Variants in MAN1C1 observed in about 807,000 individuals in gnomAD.
MAN1C1 encodes mannosyl-oligosaccharide 1,2-alpha-mannosidase IC.
MAN1C1 carries 49 observed loss-of-function variants against 71.5 expected under a neutral mutation model. The observed-to-expected ratio is 0.69, with a 90% confidence interval of 0.54 to 0.87. The LOEUF is 0.87. MAN1C1 is among the 40% of genes least tolerant of loss of function. MAN1C1 has a pLI of 0.00. For synonymous variants in MAN1C1, 352 were observed against 343.7 expected, an observed-to-expected ratio of 1.02 and a Z score of -0.27; for missense variants, 743 against 835.0, an observed-to-expected ratio of 0.89 and a Z score of 1.36.
chr1:25,683,655 G>A (rs1054872659), intron 1 of MAN1C1, among the ~76,000 whole-genome samples: 1 of 152,104 alleles, frequency 6.6e-6, no homozygotes, highest in Non-Finnish European at 1.5e-5. Context: ...GTTGGCAGGG[G>A]GGTGGGGGGT....
intron 1 of MAN1C1, among the ~76,000 whole-genome samples, chr1:25,678,025 T>G (rs1169670148): frequency 6.6e-6 from 1 of 152,064 alleles, no homozygotes; most frequent in Non-Finnish European, 1.5e-5. Context: ...AGATATTCAC[T>G]GTAGAAAATT....
intron 2 of MAN1C1, among the ~76,000 whole-genome samples, chr1:25,734,169 C>T (rs1434230588): frequency 6.6e-6 from 1 of 152,108 alleles, no homozygotes; most frequent in South Asian, 2.1e-4. Context: ...CTCTCTGTCA[C>T]CCAGGCTGGA....
intron 1 of MAN1C1, among the ~76,000 whole-genome samples, chr1:25,648,778 C>A (rs868619839): frequency 6.6e-5 from 10 of 152,192 alleles, no homozygotes; most frequent in Non-Finnish European, 1.3e-4. Context: ...CTTACACATT[C>A]AAAAAATCTC....
rs112503731 is a variant in MAN1C1, at chr1:25,750,434, A to G, written c.834+1099A>G. ...GGACGCCCCCCTGCTCTGACCACCC[A>G]GAGACAAATAATGATGCCTGCCCCC... is the stretch of plus-strand genomic sequence containing the variant. On this transcript the variant is annotated intron_variant, in intron 4 of 11. Coordinates refer to ENST00000374332, the MANE Select transcript of MAN1C1 (RefSeq NM_020379.4). Among the ~76,000 whole-genome samples, 266 of 101,742 alleles carry G rather than the reference A, an allele frequency of 2.6e-3. 1 individual carries two copies. The highest frequency in any genetic ancestry group is 6.0e-3 in the African/African-American group (222 of 37,228). 66.7% of individuals were successfully genotyped at this position (101,742 alleles called of 152,430 possible).
At position 25,643,523 on chromosome 1, in the gene MAN1C1, G is replaced by A. The variant is rs141631163; in HGVS notation, c.540+25186G>A. Among the ~76,000 whole-genome samples, 349 of 132,762 alleles carry A rather than the reference G, an allele frequency of 2.6e-3. 2 individuals carry two copies. The highest frequency in any genetic ancestry group is 9.5e-3 in the African/African-American group (335 of 35,292). 87.1% of individuals were successfully genotyped at this position (132,762 alleles called of 152,430 possible). A position where few individuals can be genotyped will look rare whatever the true frequency, so the allele number is the denominator to read the frequency against. ...TGATCTCAGATAATCCACCTGTCTC[G>A]GCCTCCCCAAGTGTTGGGATTACAG... is the stretch of plus-strand genomic sequence containing the variant. On this transcript the variant is annotated intron_variant, in intron 1 of 11. Coordinates refer to ENST00000374332, the MANE Select transcript of MAN1C1 (RefSeq NM_020379.4).
rs2047399211 is a variant in MAN1C1 at position 25,764,243 on chromosome 1, AT to A, written c.1141+277del. ...AACCCTACCTTCTCTGGCCCCATCA[AT>A]GGCGCAGCCTTCCATCTCTTATGCT... On this transcript the variant is annotated intron_variant, in intron 7 of 11. Coordinates refer to ENST00000374332, the MANE Select transcript of MAN1C1 (RefSeq NM_020379.4). This position sits in a 1 kb window ranked among gnomAD's most constrained non-coding sequence, Gnocchi z 4.4. 1.3e-5 allele frequency among the ~76,000 whole-genome samples: 2 copies of A among 151,972 alleles called. No homozygotes were observed. Among genetic ancestry groups the A allele is most frequent in the African/African-American group, 4.8e-5 (2 of 41,368 alleles).
At chr1:25,652,034 C>T (rs1206053340) in intron 1 of MAN1C1, among the ~76,000 whole-genome samples, 4 of 152,224 alleles carry the variant, frequency 2.6e-5, no homozygotes, top group Non-Finnish European at 4.4e-5. Flanking sequence ...TGCTGCCCAG[C>T]AATGGCCACT....
At chr1:25,740,082 C>A (rs2047039723) in intron 2 of MAN1C1, among the ~76,000 whole-genome samples, 1 of 152,158 alleles carries the variant, frequency 6.6e-6, no homozygotes, top group Non-Finnish European at 1.5e-5. Context: ...GCCAACCCCT[C>A]AGGAGAAGAC....
In MAN1C1 at chr1:25,718,128, A is replaced by T. The variant is rs796183291; in HGVS notation, c.638-28540A>T. 5.3e-5 allele frequency among the ~76,000 whole-genome samples: 8 copies of T among 152,256 alleles called. 1 individual carries two copies. In the South Asian group the frequency reaches 1.7e-3, roughly 32 times the overall value. On this transcript the variant is annotated intron_variant, in intron 2 of 11. Coordinates refer to ENST00000374332, the MANE Select transcript of MAN1C1 (RefSeq NM_020379.4). Reference sequence around the variant, plus strand: ...TACACACTCTTCATGGCTGATTCTCATATAGTATGATTTCCTTCCCTTTCC... The same window carrying T: ...TACACACTCTTCATGGCTGATTCTCTTATAGTATGATTTCCTTCCCTTTCC...
chr1:25,770,432 C>T (rs990856940), intron 7 of MAN1C1, among the ~76,000 whole-genome samples: 4 of 152,218 alleles, frequency 2.6e-5, no homozygotes, highest in African/African-American at 9.6e-5. Flanking sequence ...CTTTTGGTCC[C>T]TTGGTCCTCA....
At chr1:25,760,525 C>G (rs547616979) in intron 6 of MAN1C1, 5 of 152,180 alleles carry the variant, frequency 3.3e-5, no homozygotes, top group African/African-American at 9.7e-5. Context: ...TAGAAGCGCC[C>G]GCACCCTCCA....
At chr1:25,638,248 A>ATC (rs749322438) in intron 1 of MAN1C1, among the ~76,000 whole-genome samples, 77 of 152,232 alleles carry the variant, frequency 5.1e-4, no homozygotes, top group Admixed American at 1.4e-3. Flanking sequence ...CCTTATCACA[A>ATC]TCTACACTGA....
chr1:25,622,215 A>G (rs1293566312), intron 1 of MAN1C1, among the ~76,000 whole-genome samples: 2 of 152,168 alleles, frequency 1.3e-5, no homozygotes, highest in Non-Finnish European at 2.9e-5. Flanking sequence ...TGTATGCTGC[A>G]GTTCTGTTAA....
chr1:25,617,834 TCCCCGTGGGGG>T lies in MAN1C1; in HGVS notation c.39_49del (p.Pro14AlafsTer51). The stretch of plus-strand genomic sequence containing the variant: ...GAAAGTGCCCGGCTTCGTCCCGGCC[TCCCCGTGGGGG>T]CTGCGGCTGCCGCAGAAGTTCCTCT... On this transcript the variant is annotated frameshift_variant, in exon 1 of 12. Coordinates refer to ENST00000374332, the MANE Select transcript of MAN1C1 (RefSeq NM_020379.4). LOFTEE classifies it high-confidence loss of function. This position sits in a 1 kb window ranked among gnomAD's most constrained non-coding sequence, Gnocchi z 5.1. The T allele has an allele frequency of 6.2e-7, 1 of 1,604,790 alleles. No homozygotes were observed. The highest frequency in any genetic ancestry group is 8.5e-7 in the Non-Finnish European group (1 of 1,176,702).
intron 5 of MAN1C1, among the ~76,000 whole-genome samples, chr1:25,754,532 C>T (rs1465815071): frequency 6.6e-6 from 1 of 151,206 alleles, no homozygotes; most frequent in East Asian, 1.9e-4. Flanking sequence ...TCACCATAGG[C>T]CAGGGAGGGG....
In MAN1C1 at chr1:25,617,766, C is replaced by T. The variant is rs1458191685; in HGVS notation, c.-32C>T. 2 of 1,550,848 alleles carry T rather than the reference C, an allele frequency of 1.3e-6. No individual in the cohort carries two copies. The highest frequency in any genetic ancestry group is 2.5e-5 in the East Asian group (1 of 39,462). On this transcript the variant is annotated 5_prime_UTR_variant, in exon 1 of 12. Coordinates refer to ENST00000374332, the MANE Select transcript of MAN1C1 (RefSeq NM_020379.4). This position sits in a 1 kb window ranked among gnomAD's most constrained non-coding sequence, Gnocchi z 5.1. Reference sequence around the variant, plus strand: ...CCCCCGCAGACACGTGCCTGGACTCCGAGGGCTTCTGGAGCCACCGGCCGG... The same window carrying T: ...CCCCCGCAGACACGTGCCTGGACTCTGAGGGCTTCTGGAGCCACCGGCCGG...
intron 2 of MAN1C1, among the ~76,000 whole-genome samples, chr1:25,710,986 A>G (rs531198906): frequency 6.6e-5 from 10 of 152,282 alleles, no homozygotes; most frequent in Middle Eastern, 3.4e-3. Context: ...GTTGCTGTGT[A>G]ACAAACCACC....
chr1:25,674,375 C>G (rs1234527652), intron 1 of MAN1C1, among the ~76,000 whole-genome samples: 1 of 152,200 alleles, frequency 6.6e-6, no homozygotes, highest in Non-Finnish European at 1.5e-5. Flanking sequence ...TGGAAAGTCT[C>G]TATGTGCTGG....
At chr1:25,709,173 C>T (rs558718124) in intron 2 of MAN1C1, among the ~76,000 whole-genome samples, 3 of 152,218 alleles carry the variant, frequency 2.0e-5, no homozygotes, top group African/African-American at 4.8e-5. Context: ...AAGTGAAAGG[C>T]GGTATAGACG....
Sources: gnomAD v4.1 joint callset for allele counts (sites outside exome capture counted in the v4.1 genomes callset) on GRCh38, gnomAD v4.1.1 for gene constraint, Gnocchi (gnomAD v3.1) non-coding constraint, MANE v1.5 for transcripts, NCBI Gene and HGNC (gene_info 2026-07-23, HGNC 2026-07-21) for gene names.